The following MSRA variants were observed in gnomAD, a reference collection of about 807,000 sequenced individuals.
MSRA encodes methionine sulfoxide reductase A, also known as mitochondrial peptide methionine sulfoxide reductase.
In MSRA, 54 loss-of-function variants were observed where a neutral mutation model predicts 31.3. That is an observed-to-expected ratio of 1.73 (90% CI 1.39 to 2.17). MSRA has a LOEUF of 2.17. MSRA is among the 30% of genes most tolerant of loss of function. The pLI is 0.00. For synonymous variants in MSRA, 169 were observed against 116.5 expected, an observed-to-expected ratio of 1.45 and a Z score of -2.90; for missense variants, 507 against 300.9, an observed-to-expected ratio of 1.69 and a Z score of -5.07.
In MSRA at chr8:10,428,600, G is replaced by A. The variant is rs1809350491; in HGVS notation, c.*288G>A. On this transcript the variant is annotated 3_prime_UTR_variant, in exon 6 of 6. Transcript: ENST00000317173. ...GCTGTGTTCACCCTTCTTGGTAGAA[G>A]CTAAGGTGTGAGCTGGGAGGTTGCT... 5.4e-6 allele frequency: 2 copies of A among 371,802 alleles called. No individual in the cohort carries two copies. The highest frequency in any genetic ancestry group is 5.2e-5 in the South Asian group (2 of 38,340). The allele number at this position is 371,802 out of a possible 1,614,324, so 23.0% of individuals were successfully genotyped here. A position where few individuals can be genotyped will look rare whatever the true frequency, so the allele number is the denominator to read the frequency against.
At position 10,284,029 on chromosome 8, in the gene MSRA, G is replaced by C. The variant is rs537573636; in HGVS notation, c.332-17505G>C. Reference sequence around the variant, plus strand: ...TTGGTAGATAGCCAGTAGTGGGATTGCTGGATCAAATGGTAGTTCTACTTT... The same window carrying C: ...TTGGTAGATAGCCAGTAGTGGGATTCCTGGATCAAATGGTAGTTCTACTTT... On this transcript the variant is annotated intron_variant, in intron 3 of 5. Transcript: ENST00000317173. 8.6e-5 allele frequency among the ~76,000 whole-genome samples: 13 copies of C among 151,736 alleles called. 1 individual carries two copies. The highest frequency in any genetic ancestry group is 3.1e-4 in the African/African-American group (13 of 41,392).
chr8:10,327,255 T>A (rs890234965), intron 5 of MSRA, among the ~76,000 whole-genome samples: 1 of 152,162 alleles, frequency 6.6e-6, no homozygotes, highest in African/African-American at 2.4e-5. Context: ...TGTCCACCCT[T>A]CCATCCATCC....
chr8:10,313,629 C>T (rs1216811080), intron 4 of MSRA, among the ~76,000 whole-genome samples: 1 of 152,082 alleles, frequency 6.6e-6, no homozygotes, highest in South Asian at 2.1e-4. Flanking sequence ...AATGAGATCC[C>T]AACAGTTTTG....
intron 5 of MSRA, among the ~76,000 whole-genome samples, chr8:10,418,612 G>A (rs1563459349): frequency 1.3e-5 from 2 of 151,970 alleles, no homozygotes; most frequent in African/African-American, 4.8e-5. Flanking sequence ...AGTCTCAAGG[G>A]AATCCATGGT....
At chr8:10,062,452 A>G (rs571647285) in intron 1 of MSRA, among the ~76,000 whole-genome samples, 16 of 152,346 alleles carry the variant, frequency 1.1e-4, no homozygotes, top group South Asian at 4.1e-4. Context: ...GCACTACACA[A>G]TGAACTGAGG....
At chr8:10,390,759 T>C (rs1806691109) in intron 5 of MSRA, among the ~76,000 whole-genome samples, 1 of 152,066 alleles carries the variant, frequency 6.6e-6, no homozygotes, top group African/African-American at 2.4e-5. Flanking sequence ...GGCGAAGACA[T>C]TAAGGATGTT....
chr8:10,260,995 C>T (rs867307784), intron 3 of MSRA, among the ~76,000 whole-genome samples: 18 of 152,154 alleles, frequency 1.2e-4, no homozygotes, highest in Middle Eastern at 3.4e-3. Flanking sequence ...GAAATAGTTA[C>T]TTGTAAAATG....
intron 2 of MSRA, among the ~76,000 whole-genome samples, chr8:10,235,221 C>G (rs758048985): frequency 4.4e-4 from 67 of 152,208 alleles, no homozygotes; most frequent in Middle Eastern, 3.4e-3. Context: ...ACCACATTCT[C>G]TAACATGATG....
At chr8:10,316,525 TCC>T (rs1375225724) in intron 4 of MSRA, among the ~76,000 whole-genome samples, 69 of 104,716 alleles carry the variant, frequency 6.6e-4, no homozygotes, top group African/African-American at 1.8e-3. Context: ...ACTTTGATGA[TCC>T]CTCTCTCTCT....
At chr8:10,247,611 C>G (rs747186752) in intron 3 of MSRA, among the ~76,000 whole-genome samples, 4 of 152,124 alleles carry the variant, frequency 2.6e-5, no homozygotes, top group Non-Finnish European at 5.9e-5. Flanking sequence ...AGTATGGAAA[C>G]CACAGAGACT....
intron 2 of MSRA, among the ~76,000 whole-genome samples, chr8:10,236,317 C>T (rs532917643): frequency 6.6e-6 from 1 of 152,084 alleles, no homozygotes; most frequent in African/African-American, 2.4e-5. Context: ...ACAGAAAACT[C>T]ATTTGTACAG....
chr8:10,151,284 A>T (rs1803651675), intron 1 of MSRA, among the ~76,000 whole-genome samples: 1 of 150,950 alleles, frequency 6.6e-6, no homozygotes, highest in African/African-American at 2.4e-5. Flanking sequence ...AAAAAAAAAA[A>T]AAAATAAGGG....
chr8:10,284,961 G>A lies in MSRA; in HGVS notation c.332-16573G>A, dbSNP rs139619151. On this transcript the variant is annotated intron_variant, in intron 3 of 5. Coordinates refer to ENST00000317173, the MANE Select transcript of MSRA (RefSeq NM_012331.5). ...ATCTAGTGAGAATTTAAAGACATTC[G>A]TGTAGCAACTTGAACAAAGAATTTA... 1.0e-3 allele frequency among the ~76,000 whole-genome samples: 154 copies of A among 150,840 alleles called. 1 individual carries two copies. Among genetic ancestry groups the A allele is most frequent in the African/African-American group, 3.5e-3 (145 of 40,946 alleles).
intron 1 of MSRA, among the ~76,000 whole-genome samples, chr8:10,128,605 C>T (rs1217221699): frequency 6.6e-6 from 1 of 152,198 alleles, no homozygotes; most frequent in Non-Finnish European, 1.5e-5. Context: ...ACTCAGCACA[C>T]TCCTCTTAGC....
chr8:10,379,922 A>G (rs1805966300), intron 5 of MSRA, among the ~76,000 whole-genome samples: 1 of 152,236 alleles, frequency 6.6e-6, no homozygotes, highest in African/African-American at 2.4e-5. Flanking sequence ...CCAGATGCCT[A>G]GAAGGGGCAG....
intron 2 of MSRA, among the ~76,000 whole-genome samples, chr8:10,224,206 C>T (rs1197112641): frequency 6.6e-6 from 1 of 152,262 alleles, no homozygotes; most frequent in East Asian, 1.9e-4. Flanking sequence ...CTGGTGTCAC[C>T]GTTCACCCAC....
chr8:10,248,302 C>G (rs921088511), intron 3 of MSRA, among the ~76,000 whole-genome samples: 30 of 152,176 alleles, frequency 2.0e-4, no homozygotes, highest in African/African-American at 6.8e-4. Flanking sequence ...GATTCCTTCT[C>G]TCATAAAGCG....
At chr8:10,124,504 T>C (rs1444889521) in intron 1 of MSRA, among the ~76,000 whole-genome samples, 1 of 152,238 alleles carries the variant, frequency 6.6e-6, no homozygotes, top group Non-Finnish European at 1.5e-5. Context: ...TATGGAAAAT[T>C]CTAAAAGTGA....
At chr8:10,255,200 A>G (rs1798113503) in intron 3 of MSRA, among the ~76,000 whole-genome samples, 1 of 152,222 alleles carries the variant, frequency 6.6e-6, no homozygotes, top group African/African-American at 2.4e-5. Context: ...CAGTAAAATG[A>G]GAAGGCCTTC....
Sources: allele counts gnomAD v4.1 joint callset (sites outside exome capture counted in the v4.1 genomes callset), GRCh38; gene constraint gnomAD v4.1.1; transcripts MANE v1.5; gene names NCBI Gene and HGNC (gene_info 2026-07-23, HGNC 2026-07-21).